PTPRG: variants seen among roughly 807,000 people sequenced by gnomAD.
PTPRG encodes the protein protein tyrosine phosphatase receptor type G.
Under a neutral mutation model 165.3 loss-of-function variants are expected in PTPRG, and 102 were observed. The observed-to-expected ratio is 0.62, with a 90% CI of 0.53 to 0.73. The LOEUF (loss-of-function observed/expected upper bound fraction) is 0.73, where lower values mean the gene tolerates loss of function less well. Ranked by LOEUF, PTPRG falls within the 30% of genes least tolerant of loss-of-function variation. The pLI is 0.00. For synonymous variants in PTPRG, 675 were observed against 669.5 expected (o/e 1.01, Z -0.13); for missense variants, 1,866 against 1,861.4 (o/e 1.00, Z -0.05).
rs1702971829 is a variant in PTPRG at position 62,119,188 on chromosome 3, A to T, written c.616-13414A>T. 2.6e-5 allele frequency among the ~76,000 whole-genome samples: 4 copies of T among 152,154 alleles called. No homozygotes were observed. The South Asian group carries it at 8.3e-4, about 31-fold the overall frequency. On this transcript the variant is annotated intron_variant, in intron 5 of 29. Coordinates refer to ENST00000474889, the MANE Select transcript of PTPRG (RefSeq NM_002841.4). ...TTACAGGTGGGTGTGAGCATTTCTG[A>T]CCTGCTTAAATTTCAGAGACTCTCC...
chr3:62,243,186 C>T (rs1701204476), intron 14 of PTPRG, among the ~76,000 whole-genome samples: 1 of 151,884 alleles, frequency 6.6e-6, no homozygotes, highest in Non-Finnish European at 1.5e-5. Context: ...CTCTGCTTTG[C>T]TTGAAATACA....
At chr3:62,248,592 A>G (rs1252714953) in intron 15 of PTPRG, among the ~76,000 whole-genome samples, 1 of 152,210 alleles carries the variant, frequency 6.6e-6, no homozygotes, top group Non-Finnish European at 1.5e-5. Flanking sequence ...GAATATTACA[A>G]TTATTAATGA....
chr3:62,158,749 C>T (rs1047201959), intron 7 of PTPRG, among the ~76,000 whole-genome samples: 1 of 152,142 alleles, frequency 6.6e-6, no homozygotes, highest in African/African-American at 2.4e-5. Flanking sequence ...TATTTGGCCT[C>T]ACTGCTGTTT....
intron 2 of PTPRG, among the ~76,000 whole-genome samples, chr3:61,792,166 A>G (rs145694335): frequency 2.6e-5 from 4 of 152,054 alleles, no homozygotes; most frequent in African/African-American, 7.2e-5. Flanking sequence ...TCTGGCAGGC[A>G]CATGACTTTA....
In PTPRG at chr3:62,267,824, G is replaced by A; in HGVS notation, c.2874+5G>A. 2 of 1,611,744 alleles carry A rather than the reference G, an allele frequency of 1.2e-6. No individual in the cohort carries two copies. The highest frequency in any genetic ancestry group is 8.5e-7 in the Non-Finnish European group (1 of 1,178,964). On this transcript the variant is annotated splice_donor_5th_base_variant and intron_variant, in intron 19 of 29. Coordinates refer to ENST00000474889, the MANE Select transcript of PTPRG (RefSeq NM_002841.4). ...AACCTTGTGGAAAAAGGAAGAGTAA[G>A]AGCCTTTTGACTCACTATCTTAATA... is the stretch of plus-strand genomic sequence containing the variant.
rs150419889 is a variant in PTPRG, at chr3:61,663,534, G to A, written c.86-85344G>A. On this transcript the variant is annotated intron_variant, in intron 1 of 29. Coordinates refer to ENST00000474889, the MANE Select transcript of PTPRG (RefSeq NM_002841.4). ...GGCATCAGGGACCAGTTTTGTGGAAGACAATTTTTCCATGGACCGGGGGTT... is the reference window on the plus strand; with the variant it reads ...GGCATCAGGGACCAGTTTTGTGGAAAACAATTTTTCCATGGACCGGGGGTT... Among the ~76,000 whole-genome samples the A allele has an allele frequency of 1.1e-3, 170 of 152,214 alleles. 1 individual carries two copies. Among genetic ancestry groups the A allele is most frequent in the African/African-American group, 4.0e-3 (165 of 41,550 alleles).
At chr3:62,064,444 TGGTC>T (rs1700933740) in intron 4 of PTPRG, among the ~76,000 whole-genome samples, 2 of 152,152 alleles carry the variant, frequency 1.3e-5, no homozygotes, top group Non-Finnish European at 1.5e-5. Context: ...CTTGAACTCC[TGGTC>T]TGAAGCAATC....
intron 14 of PTPRG, among the ~76,000 whole-genome samples, chr3:62,241,448 C>T (rs895666254): frequency 1.3e-5 from 2 of 152,160 alleles, no homozygotes; most frequent in Non-Finnish European, 2.9e-5. Flanking sequence ...TGATCCTTAT[C>T]CCCAGTCGTG....
chr3:61,749,335 TG>T, intron 2 of PTPRG: 1 of 371,802 alleles, frequency 2.7e-6, no homozygotes, highest in South Asian at 2.1e-5. Flanking sequence ...TGGCTAGTCT[TG>T]AGCTGCTAAA....
chr3:61,832,653 T>C (rs1364897567), intron 2 of PTPRG, among the ~76,000 whole-genome samples: 1 of 152,214 alleles, frequency 6.6e-6, no homozygotes, highest in Non-Finnish European at 1.5e-5. Context: ...AGATGCAGAA[T>C]ATGCTGCTCT....
intron 4 of PTPRG, among the ~76,000 whole-genome samples, chr3:62,046,815 T>G (rs558536127): frequency 6.6e-6 from 1 of 152,324 alleles, no homozygotes; most frequent in African/African-American, 2.4e-5. Context: ...TTGACTGTTG[T>G]TATGTGGAAA....
intron 1 of PTPRG, among the ~76,000 whole-genome samples, chr3:61,725,595 T>C (rs1260971536): frequency 6.6e-6 from 1 of 152,068 alleles, no homozygotes; most frequent in African/African-American, 2.4e-5. Flanking sequence ...TACCACATAG[T>C]CTTGATAACT....
rs1576113448 is a variant in PTPRG, at chr3:62,188,682, G to A, written c.1034-2787G>A. Among the ~76,000 whole-genome samples the A allele has an allele frequency of 2.0e-5, 3 of 152,302 alleles. 1 individual carries two copies. Among genetic ancestry groups the A allele is most frequent in the Admixed American group, 2.0e-4 (3 of 15,294 alleles). On this transcript the variant is annotated intron_variant, in intron 8 of 29. Coordinates refer to ENST00000474889, the MANE Select transcript of PTPRG (RefSeq NM_002841.4). ...AGAATGGTTGCATCTGTATGTGGGT[G>A]ACAGAATTATTTATGGGGGTATGAT...
rs1559655073 is a variant in PTPRG at position 61,862,928 on chromosome 3, CTTAA to C, written c.190+113949_190+113952del. ...GGCATGACATTTAACTTTGTGGGGTCTTAATTGCCTCAAGTATAAAAGCAAACGA... is the reference window on the plus strand; with the variant it reads ...GGCATGACATTTAACTTTGTGGGGTCTTGCCTCAAGTATAAAAGCAAACGA... On this transcript the variant is annotated intron_variant, in intron 2 of 29. Coordinates refer to ENST00000474889, the MANE Select transcript of PTPRG (RefSeq NM_002841.4). Among the ~76,000 whole-genome samples, 1,137 of 152,250 alleles carry C rather than the reference CTTAA, an allele frequency of 7.5e-3. 11 individuals carry two copies. The highest frequency in any genetic ancestry group is 0.026 in the African/African-American group (1,096 of 41,546).
intron 2 of PTPRG, among the ~76,000 whole-genome samples, chr3:61,830,794 G>A (rs551555333): frequency 2.6e-5 from 4 of 152,156 alleles, no homozygotes; most frequent in South Asian, 2.1e-4. Context: ...GGCTGGTCTC[G>A]AACTCCCGAC....
intron 2 of PTPRG, among the ~76,000 whole-genome samples, chr3:61,910,748 G>A (rs2038780893): frequency 6.6e-6 from 1 of 152,096 alleles, no homozygotes; most frequent in South Asian, 2.1e-4. Context: ...ATTCCCACCT[G>A]CTTTCCCCAC....
intron 2 of PTPRG, among the ~76,000 whole-genome samples, chr3:61,942,465 G>A (rs1410649346): frequency 6.6e-6 from 1 of 152,038 alleles, no homozygotes; most frequent in Non-Finnish European, 1.5e-5. Context: ...TTTTCATTTT[G>A]TCTATATTAT....
chr3:61,720,387 G>T (rs1173512473), intron 1 of PTPRG, among the ~76,000 whole-genome samples: 1 of 152,200 alleles, frequency 6.6e-6, no homozygotes, highest in Non-Finnish European at 1.5e-5. Context: ...GCCTCCCAAA[G>T]TGTGGGGATT....
intron 4 of PTPRG, among the ~76,000 whole-genome samples, chr3:62,037,403 T>A (rs1242972691): frequency 3.3e-5 from 5 of 152,200 alleles, no homozygotes; most frequent in Non-Finnish European, 7.3e-5. Flanking sequence ...CTTTGCATTA[T>A]AGGATGTTTA....
Sources: gnomAD v4.1 joint callset for allele counts (sites outside exome capture counted in the v4.1 genomes callset) on GRCh38, gnomAD v4.1.1 for gene constraint, MANE v1.5 for transcripts, NCBI Gene and HGNC (gene_info 2026-07-23, HGNC 2026-07-21) for gene names.